The following SH3GL1 variants were observed in gnomAD, a reference collection of about 807,000 sequenced individuals.
SH3GL1 encodes the protein endophilin-A2.
In SH3GL1, 21 loss-of-function variants were observed where a neutral mutation model predicts 48.8. The observed-to-expected ratio is 0.43, with a 90% CI of 0.30 to 0.62. The LOEUF (loss-of-function observed/expected upper bound fraction) is 0.62. Among genes scored for constraint, SH3GL1 ranks in the 20% least tolerant of loss-of-function variants. The pLI is 0.11. For missense variants in SH3GL1, 454 were observed against 503.0 expected, an observed-to-expected ratio of 0.90 and a Z score of 0.93; for synonymous variants, 282 against 217.5, an observed-to-expected ratio of 1.30 and a Z score of -2.61.
In SH3GL1 at chr19:4,362,796, TTGTA is replaced by T; in HGVS notation, c.729-64_729-61del. ...TGTCACGGCCGAGGCAGCCCCACTC[TTGTA>T]TTTATGCTGCTGCCTAATGACCTGG... On this transcript the variant is annotated intron_variant, in intron 7 of 9. Coordinates refer to ENST00000269886, the MANE Select transcript of SH3GL1 (RefSeq NM_003025.4). 6 of 1,609,516 alleles carry T rather than the reference TTGTA, an allele frequency of 3.7e-6. No homozygotes were observed. The South Asian group carries it at 6.6e-5, about 18-fold the overall frequency.
At chr19:4,395,237 C>A (rs912744710) in intron 1 of SH3GL1, among the ~76,000 whole-genome samples, 1 of 152,206 alleles carries the variant, frequency 6.6e-6, no homozygotes, top group East Asian at 1.9e-4. Context: ...CTCCCTGCAG[C>A]CCTGACCTCC....
intron 7 of SH3GL1, 28 bp from the exon 8 acceptor site, chr19:4,362,764 G>C (rs116493996): frequency 1.7e-5 from 27 of 1,613,028 alleles, no homozygotes; most frequent in Non-Finnish European, 2.1e-5. Context: ...TGAGTGGACC[G>C]AGCCCGTGTC....
At chr19:4,364,724 C>T (rs143637091) in intron 4 of SH3GL1, 3,636 of 152,732 alleles carry the variant, frequency 0.024, 140 homozygotes, top group African/African-American at 0.088. Context: ...CCACCGCACC[C>T]GGTTTTTGTT....
chr19:4,393,626 C>A (rs757190990), intron 1 of SH3GL1, among the ~76,000 whole-genome samples: 3 of 151,994 alleles, frequency 2.0e-5, no homozygotes, highest in Non-Finnish European at 4.4e-5. Flanking sequence ...CCCGTCTCTA[C>A]TAAAAATACA....
intron 1 of SH3GL1, among the ~76,000 whole-genome samples, chr19:4,370,481 T>C (rs1972876389): frequency 6.6e-6 from 1 of 152,180 alleles, no homozygotes; most frequent in Admixed American, 6.5e-5. Context: ...CTCCGCTGAC[T>C]GAACCTGCAT....
chr19:4,364,888 GTGTGTGTGTGTATATA>G (rs983435689), intron 4 of SH3GL1, among the ~76,000 whole-genome samples: 5 of 96,884 alleles, frequency 5.2e-5, no homozygotes, highest in South Asian at 7.2e-4. Context: ...GTGTGTGTGT[GTGTGTGTGTGTATATA>G]TATATATATA....
intron 1 of SH3GL1, among the ~76,000 whole-genome samples, chr19:4,369,934 G>A (rs1163422592): frequency 6.6e-6 from 1 of 152,256 alleles, no homozygotes; most frequent in Non-Finnish European, 1.5e-5. Flanking sequence ...GGGAAACACG[G>A]GAAAAGCAAG....
chr19:4,393,804 T>A lies in SH3GL1; in HGVS notation c.45+6520A>T, dbSNP rs1973380004. Among the ~76,000 whole-genome samples the A allele has an allele frequency of 3.3e-5, 5 of 151,582 alleles. No homozygotes were observed. In the South Asian group the frequency reaches 1.0e-3, roughly 32 times the overall value. On this transcript the variant is annotated intron_variant, in intron 1 of 9. Transcript: ENST00000269886. ...GACTCTGTCTCAAACAAACAAAAAA[T>A]TAATATTAAAATTTAAAAATAAATA...
intron 1 of SH3GL1, among the ~76,000 whole-genome samples, chr19:4,399,605 C>G (rs1973485771): frequency 6.6e-6 from 1 of 152,092 alleles, no homozygotes; most frequent in African/African-American, 2.4e-5. Flanking sequence ...TGCTCAGCAC[C>G]CCGCAGTGCC....
intron 1 of SH3GL1, among the ~76,000 whole-genome samples, chr19:4,388,176 T>G (rs149703900): frequency 1.3e-5 from 2 of 152,124 alleles, no homozygotes; most frequent in Non-Finnish European, 2.9e-5. Context: ...GTTACTGTTA[T>G]TGAGCAAGGA....
At position 4,376,700 on chromosome 19, in the gene SH3GL1, T is replaced by C. The variant is rs1417793277; in HGVS notation, c.46-9706A>G. ...TTCTCCCTCACTGAGCCTCCCTGGA[T>C]CTTCCCATGCTGGGTCTTAGCCACC... On this transcript the variant is annotated intron_variant, in intron 1 of 9. Transcript: ENST00000269886. The surrounding 1 kb of genome is among the most constrained non-coding windows in gnomAD (Gnocchi z 4.3). Among the ~76,000 whole-genome samples the C allele has an allele frequency of 1.3e-5, 2 of 152,038 alleles. No individual in the cohort carries two copies. Among genetic ancestry groups the C allele is most frequent in the African/African-American group, 4.8e-5 (2 of 41,408 alleles).
intron 1 of SH3GL1, among the ~76,000 whole-genome samples, chr19:4,388,378 C>T (rs528082809): frequency 2.6e-5 from 4 of 152,120 alleles, no homozygotes; most frequent in East Asian, 1.9e-4. Flanking sequence ...CACATTTGAA[C>T]GCTGGGACAG....
At chr19:4,391,198 C>T (rs1381783740) in intron 1 of SH3GL1, among the ~76,000 whole-genome samples, 2 of 152,242 alleles carry the variant, frequency 1.3e-5, no homozygotes, top group Non-Finnish European at 2.9e-5. Context: ...CACGTGACAG[C>T]GGCCACCCCT....
intron 1 of SH3GL1, among the ~76,000 whole-genome samples, chr19:4,397,441 C>G (rs1973445735): frequency 6.6e-6 from 1 of 152,206 alleles, no homozygotes; most frequent in Admixed American, 6.5e-5. Context: ...GTGGCCGGCA[C>G]AAGAGGCCTG....
chr19:4,363,013 T>G lies in SH3GL1; in HGVS notation c.729-277A>C, dbSNP rs117539182. Among the ~76,000 whole-genome samples the G allele has an allele frequency of 4.2e-3, 644 of 152,154 alleles. 1 individual carries two copies. The highest frequency in any genetic ancestry group is 0.017 in the Middle Eastern group (5 of 294). ...AACACCCCCAGTCGCATCCCCTGCC[T>G]CCTCCCCCAATTCCCCACCACGGAC... On this transcript the variant is annotated intron_variant, in intron 7 of 9. Transcript: ENST00000269886.
At chr19:4,368,118 T>G (rs1008279900) in intron 1 of SH3GL1, among the ~76,000 whole-genome samples, 17 of 152,260 alleles carry the variant, frequency 1.1e-4, no homozygotes, top group African/African-American at 3.9e-4. Context: ...ACACACGGCC[T>G]GGGCAGGAGA....
intron 1 of SH3GL1, among the ~76,000 whole-genome samples, chr19:4,384,554 C>T (rs945751435): frequency 1.3e-5 from 2 of 152,164 alleles, no homozygotes; most frequent in African/African-American, 4.8e-5. Context: ...TATTCATGGG[C>T]ATAGTCATCA....
At chr19:4,370,149 C>A (rs1466273791) in intron 1 of SH3GL1, among the ~76,000 whole-genome samples, 1 of 152,222 alleles carries the variant, frequency 6.6e-6, no homozygotes, top group Non-Finnish European at 1.5e-5. Context: ...TGTTCCTAAC[C>A]CTGGTGCCAT....
chr19:4,364,213 A>C lies in SH3GL1; in HGVS notation c.340T>G (p.Leu114Val). 1 of 1,613,880 alleles carries C rather than the reference A, an allele frequency of 6.2e-7. No individual in the cohort carries two copies. The highest frequency in any genetic ancestry group is 8.5e-7 in the Non-Finnish European group (1 of 1,180,026). The change falls in exon 5 of 10, where the codon TTG becomes GTG. Residue 114 changes from leucine to valine, a missense_variant. Coordinates refer to ENST00000269886, the MANE Select transcript of SH3GL1 (RefSeq NM_003025.4). ...TTCATGGACTCGCCGGCATCCAGCA[A>C]TGCGTCACCTGTGGAGAAGTGGTGG... ...LGGESNFGDA[L>V]LDAGESMKRL...
Sources: gnomAD v4.1 joint callset for allele counts (sites outside exome capture counted in the v4.1 genomes callset) on GRCh38, gnomAD v4.1.1 for gene constraint, Gnocchi (gnomAD v3.1) non-coding constraint, MANE v1.5 for transcripts, NCBI Gene and HGNC (gene_info 2026-07-23, HGNC 2026-07-21) for gene names.